Variants in SUCLA2 observed in about 807,000 individuals in gnomAD.
The protein encoded by SUCLA2 is succinate-CoA ligase ADP-forming subunit beta, also known as succinate--CoA ligase [ADP-forming] subunit beta, mitochondrial.
In SUCLA2, 30 loss-of-function variants were observed where a neutral mutation model predicts 54.8. That is an observed-to-expected ratio of 0.55 (90% confidence interval 0.41 to 0.74). SUCLA2 has a LOEUF of 0.74. SUCLA2 is among the 30% of genes least tolerant of loss of function. The probability of loss-of-function intolerance (pLI) is 0.00; values close to 1 mark genes in which losing one functional copy is unlikely to be tolerated. For missense variants in SUCLA2, 476 were observed against 562.9 expected, an observed-to-expected ratio of 0.85 and a Z score of 1.56; for synonymous variants, 172 against 188.9, an observed-to-expected ratio of 0.91 and a Z score of 0.74.
intron 2 of SUCLA2, among the ~76,000 whole-genome samples, chr13:47,990,899 G>A (rs1950144661): frequency 6.6e-6 from 1 of 152,210 alleles, no homozygotes; most frequent in East Asian, 1.9e-4. Context: ...ACTGATGTAA[G>A]CCTTCACCAG....
chr13:47,991,772 A>C (rs772077068), intron 2 of SUCLA2: 4 of 152,218 alleles, frequency 2.6e-5, no homozygotes, highest in Non-Finnish European at 5.9e-5. Context: ...CCCAATGGGA[A>C]AAACTGGGTG....
intron 6 of SUCLA2, among the ~76,000 whole-genome samples, chr13:47,958,505 A>C (rs1434404685): frequency 1.3e-5 from 2 of 152,244 alleles, no homozygotes; most frequent in Non-Finnish European, 2.9e-5. Context: ...AATCTTTACT[A>C]AACAAGCTAG....
At chr13:47,985,639 G>A (rs910489438) in intron 4 of SUCLA2, among the ~76,000 whole-genome samples, 4 of 152,014 alleles carry the variant, frequency 2.6e-5, no homozygotes, top group South Asian at 2.1e-4. Flanking sequence ...GTCTATCATC[G>A]GTGGATGTTT....
chr13:47,988,765 T>C lies in SUCLA2; in HGVS notation c.372-62A>G, dbSNP rs117944543. 8,754 of 1,604,730 alleles carry C rather than the reference T, an allele frequency of 5.5e-3. 400 individuals carry two copies. The Admixed American group carries it at 0.09, about 16-fold the overall frequency. On this transcript the variant is annotated intron_variant, in intron 3 of 10. Coordinates refer to ENST00000646932, the MANE Select transcript of SUCLA2 (RefSeq NM_003850.3). Reference sequence around the variant, plus strand: ...CCAGTTGAGAAAAAGCAAATCCACATAATAGCCAAAATTTTATCTCATCTA... The same window carrying C: ...CCAGTTGAGAAAAAGCAAATCCACACAATAGCCAAAATTTTATCTCATCTA...
intron 4 of SUCLA2, among the ~76,000 whole-genome samples, chr13:47,982,332 A>C (rs1427990509): frequency 1.3e-5 from 2 of 152,186 alleles, no homozygotes; most frequent in African/African-American, 4.8e-5. Flanking sequence ...TGCTGAGATA[A>C]ACCAGTTACA....
chr13:47,999,307 A>C (rs1003878188), intron 1 of SUCLA2, among the ~76,000 whole-genome samples: 1 of 152,224 alleles, frequency 6.6e-6, no homozygotes, highest in African/African-American at 2.4e-5. Context: ...GTTATTTGGA[A>C]GAATGTCCTT....
At chr13:47,968,052 A>C (rs921404530) in intron 6 of SUCLA2, among the ~76,000 whole-genome samples, 2 of 152,210 alleles carry the variant, frequency 1.3e-5, no homozygotes, top group African/African-American at 2.4e-5. Flanking sequence ...GTGAATAAAG[A>C]AAGATGCAAA....
intron 10 of SUCLA2, among the ~76,000 whole-genome samples, chr13:47,948,033 A>T (rs1392584556): frequency 6.6e-6 from 1 of 152,244 alleles, no homozygotes; most frequent in Non-Finnish European, 1.5e-5. Flanking sequence ...TTTATAAAAC[A>T]TAACCATAAT....
chr13:47,963,355 G>C lies in SUCLA2; in HGVS notation c.802+5240C>G, dbSNP rs559275694. 1.2e-4 allele frequency among the ~76,000 whole-genome samples: 18 copies of C among 152,292 alleles called. No homozygotes were observed. In the East Asian group the frequency reaches 3.5e-3, roughly 29 times the overall value. On this transcript the variant is annotated intron_variant, in intron 6 of 10. Transcript: ENST00000646932. Reference sequence around the variant, plus strand: ...AAATTTGGAGATTTTTAAAAACACAGATAGAAGGCCAGGTGCAGTGGCTCA... The same window carrying C: ...AAATTTGGAGATTTTTAAAAACACACATAGAAGGCCAGGTGCAGTGGCTCA...
chr13:47,961,940 G>T (rs1331803533), intron 6 of SUCLA2, among the ~76,000 whole-genome samples: 1 of 152,072 alleles, frequency 6.6e-6, no homozygotes, highest in Admixed American at 6.5e-5. Context: ...TTTAATGCAG[G>T]TTTCTAAAAA....
chr13:47,963,409 T>C (rs1432427947), intron 6 of SUCLA2, among the ~76,000 whole-genome samples: 4 of 152,080 alleles, frequency 2.6e-5, no homozygotes, highest in Non-Finnish European at 5.9e-5. Context: ...TTTGGGAGGC[T>C]GAAGCAGGCG....
At chr13:47,986,204 T>C (rs1057499766) in intron 4 of SUCLA2, among the ~76,000 whole-genome samples, 7 of 152,018 alleles carry the variant, frequency 4.6e-5, no homozygotes, top group African/African-American at 1.4e-4. Context: ...CTAATTTTTT[T>C]ATTTTTAGTA....
At chr13:47,972,668 TA>T (rs34866956) in intron 5 of SUCLA2, among the ~76,000 whole-genome samples, 91,022 of 125,342 alleles carry the variant, frequency 0.73, 33,380 homozygotes, top group Non-Finnish European at 0.81. Flanking sequence ...GACTCCGTCT[TA>T]AAAAAAAAAA....
intron 6 of SUCLA2, among the ~76,000 whole-genome samples, chr13:47,963,076 G>C (rs1348617144): frequency 6.6e-6 from 1 of 151,976 alleles, no homozygotes; most frequent in Non-Finnish European, 1.5e-5. Context: ...AGATAGATTT[G>C]AGACTGAGAT....
At chr13:47,977,548 C>T (rs1950025922) in intron 4 of SUCLA2, among the ~76,000 whole-genome samples, 1 of 151,888 alleles carries the variant, frequency 6.6e-6, no homozygotes, top group Admixed American at 6.6e-5. Flanking sequence ...AAACTGAATT[C>T]AACAACACAT....
intron 4 of SUCLA2, among the ~76,000 whole-genome samples, chr13:47,977,291 A>G (rs1194420288): frequency 6.6e-6 from 1 of 152,202 alleles, no homozygotes; most frequent in Non-Finnish European, 1.5e-5. Context: ...ATCAGTAATC[A>G]AAAACTTCTA....
At chr13:47,947,345 A>C (rs990881214) in intron 10 of SUCLA2, among the ~76,000 whole-genome samples, 3 of 152,146 alleles carry the variant, frequency 2.0e-5, no homozygotes, top group Non-Finnish European at 4.4e-5. Context: ...CAAAAAACAA[A>C]AAAAACCCTA....
In SUCLA2 at chr13:47,951,278, C is replaced by A. The variant is rs538424740; in HGVS notation, c.1108-1675G>T. Among the ~76,000 whole-genome samples, 343 of 152,186 alleles carry A rather than the reference C, an allele frequency of 2.3e-3. 2 individuals are homozygous for A. The highest frequency in any genetic ancestry group is 0.014 in the Middle Eastern group (4 of 294). On this transcript the variant is annotated intron_variant, in intron 8 of 10. Coordinates refer to ENST00000646932, the MANE Select transcript of SUCLA2 (RefSeq NM_003850.3). The stretch of plus-strand genomic sequence containing the variant: ...CTTTCTCCTCTAGCTCTATCAAACA[C>A]AATCTTTTCTTCTTAAAAGCCTCTA...
intron 8 of SUCLA2, among the ~76,000 whole-genome samples, chr13:47,953,366 C>T (rs1345037214): frequency 6.6e-6 from 1 of 152,066 alleles, no homozygotes; most frequent in East Asian, 1.9e-4. Context: ...CTCTGCTTCT[C>T]GAGTTTGTCA....
Sources: allele counts gnomAD v4.1 joint callset (sites outside exome capture counted in the v4.1 genomes callset), GRCh38; gene constraint gnomAD v4.1.1; transcripts MANE v1.5; gene names NCBI Gene and HGNC (gene_info 2026-07-23, HGNC 2026-07-21).